Variants in STK32B observed in about 807,000 individuals in gnomAD.
STK32B encodes serine/threonine-protein kinase 32B.
Under a neutral mutation model 52.6 loss-of-function variants are expected in STK32B, and 43 were observed. That is an observed-to-expected ratio of 0.82 (90% CI 0.64 to 1.05). The LOEUF (loss-of-function observed/expected upper bound fraction) is 1.05, where lower values mean the gene tolerates loss of function less well. STK32B is among the 50% of genes least tolerant of loss of function. STK32B has a pLI of 0.00. For synonymous variants in STK32B, 238 were observed against 204.3 expected, an observed-to-expected ratio of 1.17 and a Z score of -1.41; for missense variants, 621 against 534.6, an observed-to-expected ratio of 1.16 and a Z score of -1.59.
At chr4:5,325,087 C>T (rs760912465) in intron 3 of STK32B, among the ~76,000 whole-genome samples, 3 of 152,222 alleles carry the variant, frequency 2.0e-5, no homozygotes, top group Non-Finnish European at 4.4e-5. Flanking sequence ...GCATGACGCA[C>T]AGCCTCATTG....
At chr4:5,206,656 C>T (rs1014119638) in intron 3 of STK32B, among the ~76,000 whole-genome samples, 3 of 152,070 alleles carry the variant, frequency 2.0e-5, no homozygotes, top group African/African-American at 7.2e-5. Flanking sequence ...GTGGGAGTAG[C>T]TGCGGAGGGG....
chr4:5,163,390 C>T (rs747571320), intron 2 of STK32B, among the ~76,000 whole-genome samples: 33 of 151,946 alleles, frequency 2.2e-4, no homozygotes, highest in Non-Finnish European at 3.7e-4. Context: ...GGAAGGGCAC[C>T]GCATACAGCT....
chr4:5,368,920 G>T (rs1735048934), intron 4 of STK32B, among the ~76,000 whole-genome samples: 1 of 152,114 alleles, frequency 6.6e-6, no homozygotes, highest in Non-Finnish European at 1.5e-5. Flanking sequence ...TCCTTGCTGT[G>T]GCAAAGATGG....
the STK32B span, among the ~76,000 whole-genome samples, chr4:5,044,350 A>G: frequency 6.6e-6 from 1 of 152,006 alleles, no homozygotes; most frequent in Non-Finnish European, 1.5e-5. Flanking sequence ...TAAACCTCAG[A>G]CACATCTGCC....
chr4:5,437,055 G>A (rs903085655), intron 6 of STK32B, among the ~76,000 whole-genome samples: 1 of 152,184 alleles, frequency 6.6e-6, no homozygotes, highest in African/African-American at 2.4e-5. Flanking sequence ...AGGAAGGAGG[G>A]TGGAAGGGTG....
chr4:5,227,766 A>G (rs1723975875), intron 3 of STK32B, among the ~76,000 whole-genome samples: 1 of 152,248 alleles, frequency 6.6e-6, no homozygotes, highest in Non-Finnish European at 1.5e-5. Context: ...AATATTAAAA[A>G]GCATACTCAA....
chr4:5,047,368 A>AG (rs1190922093), upstream of STK32B, among the ~76,000 whole-genome samples: 4 of 151,990 alleles, frequency 2.6e-5, no homozygotes, highest in Non-Finnish European at 5.9e-5. Flanking sequence ...GGGAACCTAG[A>AG]GGAGGGGTCA....
chr4:5,182,215 C>G, intron 3 of STK32B, among the ~76,000 whole-genome samples: 1 of 152,212 alleles, frequency 6.6e-6, no homozygotes, highest in African/African-American at 2.4e-5. Context: ...TTGCTACTTA[C>G]ACCACATCTG....
rs1737121666 is a variant in STK32B at position 5,399,167 on chromosome 4, T to A, written c.472+923T>A. Among the ~76,000 whole-genome samples, 1 of 150,538 alleles carries A rather than the reference T, an allele frequency of 6.6e-6. No individual in the cohort carries two copies. Among genetic ancestry groups the A allele is most frequent in the African/African-American group, 2.4e-5 (1 of 41,354 alleles). ...CAAAACTAAATTCACTGGCATTGCT[T>A]CAGGGGCCCGTCTCTCAGGGCCTAA... On this transcript the variant is annotated intron_variant, in intron 5 of 11. Coordinates refer to ENST00000282908, the MANE Select transcript of STK32B (RefSeq NM_018401.3). The surrounding 1 kb of genome is among the most constrained non-coding windows in gnomAD (Gnocchi z 5.4).
chr4:5,266,811 C>G (rs1050278183), intron 3 of STK32B, among the ~76,000 whole-genome samples: 1 of 152,124 alleles, frequency 6.6e-6, no homozygotes, highest in African/African-American at 2.4e-5. Context: ...ATAGTAGTTG[C>G]ATTTACTTTG....
intron 4 of STK32B, among the ~76,000 whole-genome samples, chr4:5,367,804 G>A (rs6837682): frequency 0.057 from 8,648 of 152,176 alleles, 373 homozygotes; most frequent in East Asian, 0.19. Context: ...CCCATCTTGG[G>A]TGGATTCCAT....
In STK32B at chr4:5,386,092, G is replaced by C. The variant is rs1384039326; in HGVS notation, c.435-12115G>C. Among the ~76,000 whole-genome samples, 21 of 114,920 alleles carry C rather than the reference G, an allele frequency of 1.8e-4. No homozygotes were observed. Among genetic ancestry groups the C allele is most frequent in the African/African-American group, 6.6e-4 (20 of 30,126 alleles). The allele number at this position is 114,920 out of a possible 152,430, so 75.4% of individuals were successfully genotyped here. On this transcript the variant is annotated intron_variant, in intron 4 of 11. Coordinates refer to ENST00000282908, the MANE Select transcript of STK32B (RefSeq NM_018401.3). The surrounding 1 kb of genome is among the most constrained non-coding windows in gnomAD (Gnocchi z 4.5). ...AGCCCCTACCCAGATTTCCCATGCA[G>C]AGCTCCACCCACAGGCCCCACCCAC...
intron 11 of STK32B, among the ~76,000 whole-genome samples, chr4:5,475,662 C>T (rs1349369966): frequency 1.3e-5 from 2 of 150,476 alleles, no homozygotes; most frequent in Non-Finnish European, 3.0e-5. Context: ...CACGCCACTG[C>T]ACTCCAGCCT....
chr4:5,442,760 G>GT (rs1308977888), intron 6 of STK32B, among the ~76,000 whole-genome samples: 2 of 152,164 alleles, frequency 1.3e-5, no homozygotes, highest in African/African-American at 4.8e-5. Context: ...TCCTTTCCAT[G>GT]TTTAGTTCTT....
rs115599860 is a variant in STK32B, at chr4:5,270,941, C to A, written c.261-60279C>A. Among the ~76,000 whole-genome samples the A allele has an allele frequency of 3.8e-3, 583 of 152,136 alleles. 4 individuals carry two copies. Among genetic ancestry groups the A allele is most frequent in the African/African-American group, 0.013 (523 of 41,488 alleles). ...AACTGAATTTTCTTCCCTCCACACC[C>A]CCCGCCCCTCCCGCCCAGAGACAGA... On this transcript the variant is annotated intron_variant, in intron 3 of 11. Coordinates refer to ENST00000282908, the MANE Select transcript of STK32B (RefSeq NM_018401.3).
intron 3 of STK32B, among the ~76,000 whole-genome samples, chr4:5,297,958 G>A (rs1403274560): frequency 6.6e-6 from 1 of 151,526 alleles, no homozygotes; most frequent in East Asian, 1.9e-4. Flanking sequence ...ACATTTGGAT[G>A]AGGCTTTTGC....
chr4:5,169,463 T>G (rs1719163386), intron 3 of STK32B, among the ~76,000 whole-genome samples: 1 of 152,180 alleles, frequency 6.6e-6, no homozygotes, highest in Non-Finnish European at 1.5e-5. Context: ...TGCACATACT[T>G]GACCACCACT....
intron 1 of STK32B, among the ~76,000 whole-genome samples, chr4:5,055,292 T>C (rs1334381758): frequency 6.7e-6 from 1 of 150,026 alleles, no homozygotes; most frequent in East Asian, 2.0e-4. Context: ...AGAGTCAAGG[T>C]CTCACTCTGT....
At chr4:5,235,413 G>C (rs952386511) in intron 3 of STK32B, among the ~76,000 whole-genome samples, 1 of 152,144 alleles carries the variant, frequency 6.6e-6, no homozygotes, top group Non-Finnish European at 1.5e-5. Context: ...GTTGGAAAGA[G>C]AATGACAATG....
Sources: allele counts gnomAD v4.1 joint callset (sites outside exome capture counted in the v4.1 genomes callset), GRCh38; gene constraint gnomAD v4.1.1; non-coding constraint Gnocchi (gnomAD v3.1); transcripts MANE v1.5; gene names NCBI Gene and HGNC (gene_info 2026-07-23, HGNC 2026-07-21).